SATL1: variants seen among roughly 807,000 people sequenced by gnomAD.
SATL1 encodes spermidine/spermine N(1)-acetyltransferase-like protein 1.
SATL1 carries 47 observed loss-of-function variants against 51.8 expected under a neutral mutation model. The observed-to-expected ratio is 0.91, with a 90% CI of 0.72 to 1.16. The LOEUF is 1.16. Among genes scored for constraint, SATL1 ranks in the 50% most tolerant of loss-of-function variants. The pLI is 0.00. For missense variants in SATL1, 520 were observed against 526.4 expected (o/e 0.99, Z 0.12); for synonymous variants, 176 against 182.4 (o/e 0.97, Z 0.28).
intron 2 of SATL1, among the ~76,000 whole-genome samples, chrX:85,145,989 C>T (rs770586198): frequency 1.0e-3 from 113 of 109,360 alleles, no homozygotes; most frequent in African/African-American, 1.6e-3. Context: ...CTCCGCCTCC[C>T]GGGTTCACAC....
intron 2 of SATL1, among the ~76,000 whole-genome samples, chrX:85,171,193 A>G (rs1455838780): frequency 9.0e-6 from 1 of 111,548 alleles, no homozygotes; most frequent in Non-Finnish European, 1.9e-5. Context: ...TCATTCCTGT[A>G]TTGTGATCAC....
intron 2 of SATL1, among the ~76,000 whole-genome samples, chrX:85,128,729 A>C (rs1457493816): frequency 2.7e-5 from 3 of 111,929 alleles, no homozygotes; most frequent in African/African-American, 9.8e-5. Flanking sequence ...GCCCATGCCT[A>C]TGCCTGAATG....
intron 1 of SATL1, among the ~76,000 whole-genome samples, chrX:85,240,431 G>C (rs1225538712): frequency 9.0e-6 from 1 of 111,509 alleles, no homozygotes; most frequent in Non-Finnish European, 1.9e-5. Context: ...TACATCATTG[G>C]AGGTTGTAAA....
chrX:85,135,350 T>G (rs1209832909), intron 2 of SATL1, among the ~76,000 whole-genome samples: 2 of 110,471 alleles, frequency 1.8e-5, no homozygotes, highest in Non-Finnish European at 3.8e-5. Context: ...AAAAAAAACT[T>G]CAAATATTTT....
chrX:85,094,372 T>C (rs933485387), intron 5 of SATL1, 143 bp from the exon 6 acceptor site: 11 of 431,694 alleles, frequency 2.5e-5, no homozygotes, highest in South Asian at 1.2e-4. Flanking sequence ...CAAAAACATA[T>C]AGTGTAGAGG....
chrX:85,237,664 T>C (rs1279069685), intron 1 of SATL1, among the ~76,000 whole-genome samples: 1 of 111,665 alleles, frequency 9.0e-6, no homozygotes, highest in Non-Finnish European at 1.9e-5. Context: ...GGCAAAGATT[T>C]CTTAAGTAAT....
intron 2 of SATL1, among the ~76,000 whole-genome samples, chrX:85,140,086 A>G (rs928168777): frequency 2.7e-5 from 3 of 111,644 alleles, no homozygotes; most frequent in Middle Eastern, 9.3e-3. Flanking sequence ...TAATGGCAAA[A>G]ACAGCAATTA....
chrX:85,195,542 G>A (rs1927538973), intron 2 of SATL1, among the ~76,000 whole-genome samples: 1 of 111,722 alleles, frequency 9.0e-6, no homozygotes, highest in African/African-American at 3.3e-5. Flanking sequence ...GCTGGGCGCA[G>A]TGGCTCACGC....
chrX:85,237,511 T>C (rs181486733), intron 1 of SATL1, among the ~76,000 whole-genome samples: 8 of 111,561 alleles, frequency 7.2e-5, no homozygotes, highest in Admixed American at 2.8e-4. Context: ...TGGATTTGTA[T>C]ATGCAGAGAA....
intron 2 of SATL1, among the ~76,000 whole-genome samples, chrX:85,215,178 C>T (rs1394535242): frequency 1.8e-5 from 2 of 111,444 alleles, no homozygotes; most frequent in African/African-American, 6.5e-5. Context: ...GTACCTGGGG[C>T]CCTTTGAGCC....
intron 1 of SATL1, among the ~76,000 whole-genome samples, chrX:85,243,079 T>C (rs1374774322): frequency 1.8e-5 from 2 of 112,421 alleles, no homozygotes; most frequent in African/African-American, 6.5e-5. Context: ...TATCAAAAAC[T>C]TTAGTGGTAT....
At chrX:85,224,624 T>C (rs1345549992) in intron 1 of SATL1, among the ~76,000 whole-genome samples, 2 of 110,109 alleles carry the variant, frequency 1.8e-5, no homozygotes, top group Non-Finnish European at 3.8e-5. Context: ...TTGCCACTAG[T>C]TCTGGTCAAT....
chrX:85,135,183 G>T (rs1403392242), intron 2 of SATL1, among the ~76,000 whole-genome samples: 6 of 110,768 alleles, frequency 5.4e-5, no homozygotes, highest in Admixed American at 9.7e-5. Context: ...GGTGGGGGAC[G>T]GGGGTAGGGA....
chrX:85,138,412 A>G (rs963062744), intron 2 of SATL1, among the ~76,000 whole-genome samples: 1 of 111,856 alleles, frequency 8.9e-6, no homozygotes, highest in Admixed American at 9.5e-5. Context: ...GTTGTGATCC[A>G]CTATTATTAT....
chrX:85,146,464 C>T (rs751883400), intron 2 of SATL1, among the ~76,000 whole-genome samples: 1 of 111,467 alleles, frequency 9.0e-6, no homozygotes, highest in South Asian at 3.8e-4. Context: ...ATACATACAC[C>T]TCCTATGTGC....
intron 2 of SATL1, among the ~76,000 whole-genome samples, chrX:85,114,634 A>G (rs1352445112): frequency 1.8e-5 from 2 of 112,514 alleles, no homozygotes; most frequent in South Asian, 3.6e-4. Context: ...CCTCTGTGGG[A>G]CACAATAATT....
chrX:85,155,015 A>T (rs1420758932), intron 2 of SATL1, among the ~76,000 whole-genome samples: 1 of 111,515 alleles, frequency 9.0e-6, no homozygotes, highest in African/African-American at 3.3e-5. Context: ...AGCAATTTGA[A>T]CAGCCTCAGA....
At chrX:85,238,584 G>A (rs1372896425) in intron 1 of SATL1, among the ~76,000 whole-genome samples, 1 of 111,510 alleles carries the variant, frequency 9.0e-6, no homozygotes. Flanking sequence ...GAGGTTGGGG[G>A]AAATGGGGAT....
At chrX:85,167,279 A>T (rs1271045535) in intron 2 of SATL1, among the ~76,000 whole-genome samples, 2 of 107,445 alleles carry the variant, frequency 1.9e-5, no homozygotes, top group Non-Finnish European at 3.8e-5. Context: ...GGGACAAAAG[A>T]CCACACATTG....
Sources: allele counts gnomAD v4.1 joint callset (sites outside exome capture counted in the v4.1 genomes callset), GRCh38; gene constraint gnomAD v4.1.1; transcripts MANE v1.5; gene names NCBI Gene and HGNC (gene_info 2026-07-23, HGNC 2026-07-21).